Variants in MYBBP1A observed in about 807,000 individuals in gnomAD.
MYBBP1A encodes the protein MYB binding protein 1a, also known as myb-binding protein 1A.
MYBBP1A carries 147 observed loss-of-function variants against 136.3 expected under a neutral mutation model. The ratio of observed to expected loss-of-function variants is 1.08; its 90% CI spans 0.94 to 1.24. The LOEUF is 1.24. Among genes scored for constraint, MYBBP1A ranks in the 50% most tolerant of loss-of-function variants. The probability of loss-of-function intolerance (pLI) is 0.00; values close to 1 mark genes in which losing one functional copy is unlikely to be tolerated. For synonymous variants in MYBBP1A, 947 were observed against 735.8 expected, an observed-to-expected ratio of 1.29 and a Z score of -4.65; for missense variants, 2,060 against 1,727.4, an observed-to-expected ratio of 1.19 and a Z score of -3.41.
rs368155160 is a variant in MYBBP1A, at chr17:4,542,917, G to C, written c.2888C>G (p.Pro963Arg). The C allele has an allele frequency of 6.2e-7, 1 of 1,613,870 alleles. No individual in the cohort carries two copies. The highest frequency in any genetic ancestry group is 8.5e-7 in the Non-Finnish European group (1 of 1,179,968). ...GTDPSHMPTG[P>R]QAASCLDLNL... is the part of the protein sequence containing the mutation. ...CCTGGGCCAGGCCCTGCTCACCTGCGGGCCCGTGGGCATGTGGCTGGGGTC... is the reference window on the plus strand; with the variant it reads ...CCTGGGCCAGGCCCTGCTCACCTGCCGGCCCGTGGGCATGTGGCTGGGGTC... The change falls in exon 20 of 26, where the codon CCG (proline) becomes CGG (arginine). Residue 963 changes from proline (P) to arginine (R), a missense_variant. By Grantham distance (103) the Pro-to-Arg change is moderately radical (BLOSUM62 -2). Transcript: ENST00000254718.
At chr17:4,540,164 C>CGA (rs1906249940) in intron 25 of MYBBP1A, among the ~76,000 whole-genome samples, 184 bp downstream of exon 25, 1 of 124,012 alleles carries the variant, frequency 8.1e-6, no homozygotes, top group Admixed American at 7.3e-5. Context: ...GAGGCTCCTG[C>CGA]GAGGGTCCTG....
chr17:4,540,355 C>G lies in MYBBP1A; in HGVS notation c.3427G>C (p.Gly1143Arg), dbSNP rs149115057. The G allele has an allele frequency of 6.2e-7, 1 of 1,606,842 alleles. No individual in the cohort carries two copies. The highest frequency in any genetic ancestry group is 8.5e-7 in the Non-Finnish European group (1 of 1,179,324). Residue 1143 changes from glycine to arginine, a missense_variant, in exon 25 of 26, where the codon GGA (glycine) becomes CGA (arginine). Physicochemically the swap from Gly to Arg is moderately radical, Grantham distance 125. Transcript: ENST00000254718. The part of the protein sequence containing the change: ...DLYWQAMKTL[G>R]VQRPKLEKKD... ...CCCCCTCCCAGAACCTACTGGACTCCCAGGGTTTTCATGGCCTGCCAGTAG... is the reference window on the plus strand; with the variant it reads ...CCCCCTCCCAGAACCTACTGGACTCGCAGGGTTTTCATGGCCTGCCAGTAG...
intron 3 of MYBBP1A, 25 bp downstream of exon 3, chr17:4,554,170 C>T: frequency 6.2e-7 from 1 of 1,612,834 alleles, no homozygotes; most frequent in Non-Finnish European, 8.5e-7. Flanking sequence ...CCTGGGGCTG[C>T]TGACCTCCCT....
intron 22 of MYBBP1A, 122 bp downstream of exon 22, chr17:4,542,342 C>T: frequency 8.7e-7 from 1 of 1,148,254 alleles, no homozygotes; most frequent in Non-Finnish European, 1.2e-6. Flanking sequence ...GCCAGTGGGG[C>T]AGGGACAGCT....
Position 4,540,410 on chromosome 17 carries a change from G to A in MYBBP1A, c.3372C>T (p.His1124=). The change falls in exon 25 of 26, where the codon CAC becomes CAT. Residue 1124 remains histidine (H), a synonymous_variant. Coordinates refer to ENST00000254718, the MANE Select transcript of MYBBP1A (RefSeq NM_014520.4). The part of the protein sequence containing the change: ...GQQQSLQQGA[H]STGSSRLHDL... The stretch of plus-strand genomic sequence containing the variant: ...CGTGCAGGCGGCTGGAGCCGGTGGA[G>A]TGTGCCCCCTGCTGTAGGCTCTGCT... 1 of 1,610,852 alleles carries A rather than the reference G, an allele frequency of 6.2e-7. No homozygotes were observed. The highest frequency in any genetic ancestry group is 8.5e-7 in the Non-Finnish European group (1 of 1,179,820).
At chr17:4,545,494 C>G in intron 15 of MYBBP1A, 116 bp downstream of exon 15, 4 of 1,492,340 alleles carry the variant, frequency 2.7e-6, no homozygotes, top group Non-Finnish European at 3.6e-6. Context: ...GTTGAGACCC[C>G]TCCCACCGGC....
Position 4,545,847 on chromosome 17 carries a change from G to C in MYBBP1A, c.1920C>G (p.Ile640Met). 6.2e-7 allele frequency: 1 copy of C among 1,613,000 alleles called. No homozygotes were observed. Among genetic ancestry groups the C allele is most frequent in the East Asian group, 2.2e-5 (1 of 44,872 alleles). ...EKPRRSRTKT[I>M]DPQEPPWVEV... ...TCCCTCTCGTGACCAAGGACCCACC[G>C]ATGGTCTTGGTGCGGCTCCGGCGGG... The change falls in exon 14 of 26, where the codon ATC (isoleucine) becomes ATG (methionine). Residue 640 changes from isoleucine to methionine, a missense_variant and splice_region_variant. By Grantham distance (10) the Ile-to-Met change is conservative (BLOSUM62 1). Transcript: ENST00000254718.
chr17:4,552,706 G>C lies in MYBBP1A; in HGVS notation c.562-80C>G. ...ATCCTGTTCTACCTGCTCCTGACAC[G>C]GGGCCACCTGGTGAGGTATCAGAGT... On this transcript the variant is annotated intron_variant, in intron 5 of 25. Transcript: ENST00000254718. This position sits in a 1 kb window ranked among gnomAD's most constrained non-coding sequence, Gnocchi z 4.7. 7.5e-7 allele frequency: 1 copy of C among 1,331,998 alleles called. No individual in the cohort carries two copies. The highest frequency in any genetic ancestry group is 2.4e-5 in the East Asian group (1 of 42,150). 82.5% of individuals were successfully genotyped at this position (1,331,998 alleles called of 1,614,324 possible).
chr17:4,549,717 G>T (rs921386500), intron 9 of MYBBP1A, among the ~76,000 whole-genome samples: 2 of 136,720 alleles, frequency 1.5e-5, no homozygotes, highest in African/African-American at 5.5e-5. Context: ...CCGGGAGGCA[G>T]AAGTTGCAAT....
chr17:4,548,344 C>A lies in MYBBP1A; in HGVS notation c.1557-34G>T. On this transcript the variant is annotated intron_variant, in intron 11 of 25. Coordinates refer to ENST00000254718, the MANE Select transcript of MYBBP1A (RefSeq NM_014520.4). This position sits in a 1 kb window ranked among gnomAD's most constrained non-coding sequence, Gnocchi z 4.2. ...GGGATGGGGCTTGGGGTCAGCAGAC[C>A]AGATGAGTCAATGTAGCCGCCTCCC... The A allele has an allele frequency of 2.5e-6, 4 of 1,608,274 alleles. No individual in the cohort carries two copies. The highest frequency in any genetic ancestry group is 2.5e-6 in the Non-Finnish European group (3 of 1,178,170).
Position 4,545,776 on chromosome 17 carries a change from G to A in MYBBP1A, c.1922-15C>T, listed in dbSNP as rs768930039. 1.2e-6 allele frequency: 2 copies of A among 1,606,476 alleles called. No individual in the cohort carries two copies. The highest frequency in any genetic ancestry group is 1.1e-5 in the South Asian group (1 of 90,394). ...TTCCTGGGGGTCTGCAAGAGGGAGG[G>A]GTTGAGCCCGGATAGGGGACCGCTG... On this transcript the variant is annotated splice_polypyrimidine_tract_variant and intron_variant, in intron 14 of 25. Transcript: ENST00000254718.
At chr17:4,550,833 G>T (rs1319440195) in intron 8 of MYBBP1A, among the ~76,000 whole-genome samples, 1 of 152,256 alleles carries the variant, frequency 6.6e-6, no homozygotes, top group Non-Finnish European at 1.5e-5. Flanking sequence ...CAGCACCCGC[G>T]CTCCGCCTTT....
chr17:4,550,976 T>G (rs1157813488), intron 8 of MYBBP1A, among the ~76,000 whole-genome samples: 3 of 152,262 alleles, frequency 2.0e-5, no homozygotes, highest in African/African-American at 7.2e-5. Flanking sequence ...TGGGATAGTG[T>G]CCGGCTTCAC....
intron 4 of MYBBP1A, 21 bp downstream of exon 4, chr17:4,553,998 C>T: frequency 6.2e-7 from 1 of 1,614,050 alleles, no homozygotes; most frequent in East Asian, 2.2e-5. Context: ...TACATTCCCC[C>T]AGTCCCTCCA....
rs764058686 is a variant in MYBBP1A at position 4,548,015 on chromosome 17, C to G, written c.1767G>C (p.Glu589Asp). The change falls in exon 13 of 26, where the codon GAG becomes GAC. Residue 589 changes from glutamate to aspartate, a missense_variant. By Grantham distance (45) the Glu-to-Asp change is conservative. Coordinates refer to ENST00000254718, the MANE Select transcript of MYBBP1A (RefSeq NM_014520.4). The surrounding 1 kb of genome is among the most constrained non-coding windows in gnomAD (Gnocchi z 4.2). ...TLKELEAHSA[E>D]ARAAAFQHLL... ...GGTGCTGGAAGGCAGCAGCCCTGGCCTCTGCGGAGTGGGCCTCCAGCTCCT... is the reference window on the plus strand; with the variant it reads ...GGTGCTGGAAGGCAGCAGCCCTGGCGTCTGCGGAGTGGGCCTCCAGCTCCT... 31 of 1,547,696 alleles carry G rather than the reference C, an allele frequency of 2.0e-5. No homozygotes were observed. Among genetic ancestry groups the G allele is most frequent in the Middle Eastern group, 3.5e-4 (2 of 5,778 alleles).
intron 9 of MYBBP1A, among the ~76,000 whole-genome samples, chr17:4,549,811 A>T (rs1168673227): frequency 7.2e-6 from 1 of 138,320 alleles, no homozygotes; most frequent in African/African-American, 2.6e-5. Context: ...AAAAAAAAAG[A>T]ACCAGCAAAA....
intron 24 of MYBBP1A, among the ~76,000 whole-genome samples, chr17:4,540,746 C>T (rs1282767304): frequency 6.6e-6 from 1 of 152,110 alleles, no homozygotes; most frequent in East Asian, 1.9e-4. Context: ...AGCAGTGGCC[C>T]GGGCCCACCC....
Position 4,544,496 on chromosome 17 carries a change from T to C in MYBBP1A, c.2632A>G (p.Ile878Val), listed in dbSNP as rs748294633. Reference protein sequence around the residue: ...EQDLLHKTARIFTHHLCRARR... With the variant: ...EQDLLHKTARVFTHHLCRARR... ...CTGCACCCCCGTGCTCACGTGAAGA[T>C]GCGCGCCGTCTTGTGCAGAAGGTCC... The change falls in exon 19 of 26, where the codon ATC (isoleucine) becomes GTC (valine). Residue 878 changes from isoleucine to valine, a missense_variant. Transcript: ENST00000254718. 4.2e-5 allele frequency: 65 copies of C among 1,549,644 alleles called. No individual in the cohort carries two copies. The highest frequency in any genetic ancestry group is 8.3e-5 in the South Asian group (7 of 84,128).
rs1050986775 is a variant in MYBBP1A, at chr17:4,545,708, A to C, written c.1975T>G (p.Leu659Val). ...EVLVEILLAL[L>V]AQPSHLMRQV... ...CGCATGAGGTGGCTGGGCTGGGCCA[A>C]CAGGGCCAGCAAGATCTCCACCAGC... Residue 659 changes from leucine (L) to valine (V), a missense_variant, in exon 15 of 26, where the codon TTG becomes GTG. Coordinates refer to ENST00000254718, the MANE Select transcript of MYBBP1A (RefSeq NM_014520.4). 7 of 1,610,356 alleles carry C rather than the reference A, an allele frequency of 4.3e-6. No homozygotes were observed. The highest frequency in any genetic ancestry group is 5.9e-6 in the Non-Finnish European group (7 of 1,177,828).
Sources: allele counts gnomAD v4.1 joint callset (sites outside exome capture counted in the v4.1 genomes callset), GRCh38; gene constraint gnomAD v4.1.1; non-coding constraint Gnocchi (gnomAD v3.1); transcripts MANE v1.5; gene names NCBI Gene and HGNC (gene_info 2026-07-23, HGNC 2026-07-21).